The following GATAD2A variants were observed in gnomAD, a reference collection of about 807,000 sequenced individuals.
GATAD2A encodes the protein GATA zinc finger domain containing 2A, also known as transcriptional repressor p66-alpha.
GATAD2A carries 12 observed loss-of-function variants against 68.5 expected under a neutral mutation model. The ratio of observed to expected loss-of-function variants is 0.18; its 90% confidence interval spans 0.11 to 0.28. GATAD2A has a LOEUF of 0.28. Ranked by LOEUF, GATAD2A falls within the 10% of genes least tolerant of loss-of-function variation. The probability of loss-of-function intolerance (pLI) is 1.00; values close to 1 mark genes in which losing one functional copy is unlikely to be tolerated. For synonymous variants in GATAD2A, 410 were observed against 375.3 expected (o/e 1.09, Z -1.07); for missense variants, 755 against 868.5 (o/e 0.87, Z 1.64).
chr19:19,477,414 G>A (rs1244233694), intron 2 of GATAD2A, among the ~76,000 whole-genome samples: 1 of 152,174 alleles, frequency 6.6e-6, no homozygotes, highest in Admixed American at 6.5e-5. Context: ...TCAAGGCAGG[G>A]CCCTGATAGC....
intron 1 of GATAD2A, among the ~76,000 whole-genome samples, chr19:19,443,387 CCTAA>C (rs541738641): frequency 4.7e-4 from 71 of 152,264 alleles, no homozygotes; most frequent in Non-Finnish European, 7.8e-4. Context: ...GGGCAAGCAT[CCTAA>C]CTCTTTGAGC....
Position 19,505,335 on chromosome 19 carries a change from C to T in GATAD2A, c.1775-9C>T. On this transcript the variant is annotated splice_polypyrimidine_tract_variant and intron_variant, in intron 11 of 11. Coordinates refer to ENST00000683918, the MANE Select transcript of GATAD2A (RefSeq NM_001384528.1). ...GGCCTTCTCAGCTGGTCGCTCTGTT[C>T]TGTTGCAGGCGGGACCCTTGCGTTT... The T allele has an allele frequency of 1.2e-6, 2 of 1,612,992 alleles. No homozygotes were observed. Among genetic ancestry groups the T allele is most frequent in the Non-Finnish European group, 1.7e-6 (2 of 1,179,596 alleles).
At chr19:19,408,019 T>G (rs1031631797) in intron 1 of GATAD2A, among the ~76,000 whole-genome samples, 38 of 152,362 alleles carry the variant, frequency 2.5e-4, no homozygotes, top group Admixed American at 1.1e-3. Context: ...TTGTTTGTTT[T>G]TTTGAGACGG....
chr19:19,408,546 T>C (rs1043740934), intron 1 of GATAD2A, among the ~76,000 whole-genome samples: 1 of 152,202 alleles, frequency 6.6e-6, no homozygotes, highest in Non-Finnish European at 1.5e-5. Context: ...TGTATGTTTT[T>C]AATGAGGAAA....
intron 1 of GATAD2A, among the ~76,000 whole-genome samples, chr19:19,454,315 G>A (rs1302023767): frequency 1.3e-5 from 2 of 150,032 alleles, no homozygotes; most frequent in East Asian, 4.2e-4. Context: ...TTTATCAGAA[G>A]GCCAGGTGCA....
At chr19:19,418,475 G>A (rs915203756) in intron 1 of GATAD2A, among the ~76,000 whole-genome samples, 3 of 152,224 alleles carry the variant, frequency 2.0e-5, no homozygotes, top group South Asian at 2.1e-4. Context: ...ATGGAAGTTC[G>A]AGGAACACAG....
chr19:19,502,274 C>A, intron 10 of GATAD2A, 57 bp from the exon 11 acceptor site: 1 of 1,353,394 alleles, frequency 7.4e-7, no homozygotes, highest in Non-Finnish European at 1.0e-6. Flanking sequence ...CGCTGAGTGT[C>A]TCGCCTGCTG....
chr19:19,432,629 A>T (rs190648262), intron 1 of GATAD2A, among the ~76,000 whole-genome samples: 1 of 152,338 alleles, frequency 6.6e-6, no homozygotes, highest in Admixed American at 6.5e-5. Context: ...GGTCGTTTTC[A>T]ATTCGGGATG....
chr19:19,424,091 G>GT (rs1425973064), intron 1 of GATAD2A, among the ~76,000 whole-genome samples: 2 of 151,960 alleles, frequency 1.3e-5, no homozygotes, highest in Non-Finnish European at 2.9e-5. Flanking sequence ...CACCCAGCTA[G>GT]TTTTTAAATT....
At chr19:19,438,309 G>A (rs1382778802) in intron 1 of GATAD2A, among the ~76,000 whole-genome samples, 1 of 152,156 alleles carries the variant, frequency 6.6e-6, no homozygotes, top group Non-Finnish European at 1.5e-5. Flanking sequence ...GCAGTGGTGT[G>A]TTCATGGCTC....
intron 1 of GATAD2A, among the ~76,000 whole-genome samples, chr19:19,412,888 A>G (rs1034044097): frequency 1.3e-5 from 2 of 152,078 alleles, no homozygotes; most frequent in African/African-American, 4.8e-5. Flanking sequence ...TTGACTTAAA[A>G]TTTTTCAACT....
intron 4 of GATAD2A, among the ~76,000 whole-genome samples, chr19:19,493,893 A>G (rs1430298905): frequency 6.6e-6 from 1 of 152,064 alleles, no homozygotes; most frequent in Non-Finnish European, 1.5e-5. Context: ...ATGCAGCTTT[A>G]AAAAGTGCCC....
At chr19:19,469,523 T>C (rs894120514) in intron 2 of GATAD2A, among the ~76,000 whole-genome samples, 1 of 150,436 alleles carries the variant, frequency 6.6e-6, no homozygotes, top group Non-Finnish European at 1.5e-5. Context: ...CACTGAGAAA[T>C]AAAGGAACAA....
At chr19:19,466,295 C>A (rs1321939445) in intron 2 of GATAD2A, among the ~76,000 whole-genome samples, 1 of 152,228 alleles carries the variant, frequency 6.6e-6, no homozygotes, top group Non-Finnish European at 1.5e-5. Flanking sequence ...AAGACAAATT[C>A]AGACCCAGCA....
chr19:19,477,859 A>C (rs1350540103), intron 2 of GATAD2A, among the ~76,000 whole-genome samples: 2 of 152,178 alleles, frequency 1.3e-5, no homozygotes, highest in Non-Finnish European at 2.9e-5. Context: ...GCGTCCTCAC[A>C]CTGAGGTCCT....
At chr19:19,421,881 G>A (rs1221983639) in intron 1 of GATAD2A, among the ~76,000 whole-genome samples, 1 of 151,796 alleles carries the variant, frequency 6.6e-6, no homozygotes, top group Non-Finnish European at 1.5e-5. Context: ...GTGTGCAGTG[G>A]TGCAATCTTG....
chr19:19,407,542 A>G (rs761024673), intron 1 of GATAD2A, among the ~76,000 whole-genome samples: 2 of 152,226 alleles, frequency 1.3e-5, no homozygotes, highest in Non-Finnish European at 2.9e-5. Context: ...TTGGTGCTCT[A>G]GAGCCCACAA....
chr19:19,501,899 G>A, intron 9 of GATAD2A, 70 bp from the exon 10 acceptor site: 1 of 1,214,036 alleles, frequency 8.2e-7, no homozygotes, highest in African/African-American at 1.5e-5. Context: ...GTCCTGTGGG[G>A]CTCACCCTCG....
chr19:19,410,519 G>T (rs77943760), intron 1 of GATAD2A, among the ~76,000 whole-genome samples: 1 of 152,198 alleles, frequency 6.6e-6, no homozygotes, highest in African/African-American at 2.4e-5. Context: ...CTGCAGTTCC[G>T]TCTCAGGACC....
Sources: gnomAD v4.1 joint callset for allele counts (sites outside exome capture counted in the v4.1 genomes callset) on GRCh38, gnomAD v4.1.1 for gene constraint, MANE v1.5 for transcripts, NCBI Gene and HGNC (gene_info 2026-07-23, HGNC 2026-07-21) for gene names.